Variants in SCP2 observed in about 807,000 individuals in gnomAD.
SCP2 encodes the protein SCP-2/3-oxoacyl-CoA thiolase.
SCP2 carries 48 observed loss-of-function variants against 71.4 expected under a neutral mutation model. The observed-to-expected ratio is 0.67, with a 90% CI of 0.53 to 0.86. SCP2 has a LOEUF of 0.86. Among genes scored for constraint, SCP2 ranks in the 40% least tolerant of loss-of-function variants. The pLI, the probability that SCP2 is intolerant of heterozygous loss-of-function variation, is 0.00. For synonymous variants in SCP2, 220 were observed against 218.1 expected, an observed-to-expected ratio of 1.01 and a Z score of -0.08; for missense variants, 560 against 655.6, an observed-to-expected ratio of 0.85 and a Z score of 1.59.
At chr1:53,038,873 G>A in intron 13 of SCP2, 44 bp from the exon 14 acceptor site, 1 of 1,611,994 alleles carries the variant, frequency 6.2e-7, no homozygotes, top group Non-Finnish European at 8.5e-7. Context: ...GAGAAAGCCA[G>A]AGAAATGGAC....
intron 1 of SCP2, among the ~76,000 whole-genome samples, chr1:52,932,915 A>C (rs1653293738): frequency 6.6e-6 from 1 of 152,182 alleles, no homozygotes. Flanking sequence ...TGTAATACAG[A>C]AGGGAGTAGG....
At chr1:53,030,721 G>C (rs1401804021) in intron 13 of SCP2, among the ~76,000 whole-genome samples, 1 of 151,734 alleles carries the variant, frequency 6.6e-6, no homozygotes, top group Non-Finnish European at 1.5e-5. Context: ...GCAAAACCCT[G>C]TCTCTACTAA....
At chr1:52,960,075 A>T (rs369497147) in intron 5 of SCP2, among the ~76,000 whole-genome samples, 7 of 151,842 alleles carry the variant, frequency 4.6e-5, no homozygotes, top group African/African-American at 1.7e-4. Flanking sequence ...TATTTTTAGT[A>T]GCGACGGGGT....
At chr1:53,003,913 A>G (rs1660473159) in intron 11 of SCP2, among the ~76,000 whole-genome samples, 1 of 152,040 alleles carries the variant, frequency 6.6e-6, no homozygotes, top group Admixed American at 6.5e-5. Context: ...TTTTTCCCTT[A>G]AAGTTGGGAA....
intron 5 of SCP2, among the ~76,000 whole-genome samples, chr1:52,959,438 A>G (rs1008592481): frequency 6.6e-6 from 1 of 150,750 alleles, no homozygotes; most frequent in Admixed American, 6.6e-5. Flanking sequence ...CAGGTGATCC[A>G]CCCGCCTCGA....
At chr1:52,946,275 C>A (rs112318757) in intron 2 of SCP2, among the ~76,000 whole-genome samples, 1 of 151,952 alleles carries the variant, frequency 6.6e-6, no homozygotes, top group African/African-American at 2.4e-5. Context: ...GTTGCCCAGG[C>A]TAGAGTGCAG....
chr1:52,975,977 A>G (rs184112594), intron 7 of SCP2, among the ~76,000 whole-genome samples: 2 of 152,330 alleles, frequency 1.3e-5, no homozygotes, highest in East Asian at 3.9e-4. Flanking sequence ...CCTCAGATTC[A>G]ATAATTCACT....
chr1:53,039,077 C>G (rs1663231194), intron 14 of SCP2, 31 bp downstream of exon 14: 1 of 1,613,542 alleles, frequency 6.2e-7, no homozygotes, highest in South Asian at 1.1e-5. Context: ...ATTCTAGGAG[C>G]ACTGACGAGT....
intron 11 of SCP2, among the ~76,000 whole-genome samples, chr1:52,997,739 A>G (rs1053629543): frequency 2.0e-5 from 3 of 152,248 alleles, no homozygotes; most frequent in African/African-American, 7.2e-5. Context: ...TGAATACACT[A>G]AAAACCACTG....
chr1:52,974,347 G>A (rs1024238117), intron 6 of SCP2, among the ~76,000 whole-genome samples: 1 of 152,032 alleles, frequency 6.6e-6, no homozygotes, highest in Non-Finnish European at 1.5e-5. Flanking sequence ...TTTATCATAA[G>A]GAAAGGGAGG....
chr1:53,019,394 T>C (rs555421143), intron 12 of SCP2, among the ~76,000 whole-genome samples: 29 of 152,304 alleles, frequency 1.9e-4, no homozygotes, highest in Non-Finnish European at 4.1e-4. Context: ...ATTCACTGGG[T>C]TATAGTAAAG....
At chr1:52,963,941 G>A (rs1415248683) in intron 6 of SCP2, among the ~76,000 whole-genome samples, 2 of 152,054 alleles carry the variant, frequency 1.3e-5, no homozygotes, top group Non-Finnish European at 2.9e-5. Flanking sequence ...GTACATAGTT[G>A]AGGGACATTA....
chr1:53,010,801 A>G (rs1204448856), intron 11 of SCP2, among the ~76,000 whole-genome samples: 1 of 152,146 alleles, frequency 6.6e-6, no homozygotes, highest in Admixed American at 6.6e-5. Flanking sequence ...ACTTTGTAGT[A>G]TTCTCCCTGC....
At chr1:53,041,771 G>T (rs558670846) in intron 14 of SCP2, among the ~76,000 whole-genome samples, 87 of 152,284 alleles carry the variant, frequency 5.7e-4, no homozygotes, top group African/African-American at 2.0e-3. Context: ...GTGAAATTTC[G>T]TTACTGGCAC....
chr1:52,936,637 A>G (rs1653766711), intron 1 of SCP2, among the ~76,000 whole-genome samples: 1 of 152,258 alleles, frequency 6.6e-6, no homozygotes, highest in Non-Finnish European at 1.5e-5. Flanking sequence ...AGGAAAAGAA[A>G]GTAGTAGAGG....
At chr1:52,959,114 T>C (rs986990944) in intron 5 of SCP2, among the ~76,000 whole-genome samples, 1 of 152,206 alleles carries the variant, frequency 6.6e-6, no homozygotes, top group Admixed American at 6.5e-5. Flanking sequence ...TATATGTAAA[T>C]TGGTATTTTT....
At chr1:52,941,684 G>A (rs1374999269) in intron 1 of SCP2, 112 bp from the exon 2 acceptor site, 13 of 628,642 alleles carry the variant, frequency 2.1e-5, no homozygotes, top group Non-Finnish European at 3.2e-5. Context: ...GCAGTGAGCC[G>A]AGATCATGCC....
At chr1:53,011,156 C>CT (rs1456771120) in intron 11 of SCP2, among the ~76,000 whole-genome samples, 2 of 152,194 alleles carry the variant, frequency 1.3e-5, no homozygotes, top group East Asian at 3.8e-4. Flanking sequence ...AATTCAGGCT[C>CT]TGATAGTAGA....
intron 2 of SCP2, chr1:52,943,785 C>T (rs144902884): frequency 8.5e-4 from 378 of 446,020 alleles, no homozygotes; most frequent in Non-Finnish European, 1.1e-3. Context: ...CTGATTTCAC[C>T]GAGTGCCACA....
Sources: allele counts gnomAD v4.1 joint callset (sites outside exome capture counted in the v4.1 genomes callset), GRCh38; gene constraint gnomAD v4.1.1; transcripts MANE v1.5; gene names NCBI Gene and HGNC (gene_info 2026-07-23, HGNC 2026-07-21).